EZH1: variants seen among roughly 807,000 people sequenced by gnomAD.
EZH1 encodes the protein enhancer of zeste 1 polycomb repressive complex 2 subunit, also known as histone-lysine N-methyltransferase EZH1.
EZH1 carries 33 observed loss-of-function variants against 100.5 expected under a neutral mutation model. The observed-to-expected ratio is 0.33, with a 90% confidence interval of 0.25 to 0.44. The LOEUF is 0.44. Ranked by LOEUF, EZH1 falls within the 20% of genes least tolerant of loss-of-function variation. The pLI, the probability that EZH1 is intolerant of heterozygous loss-of-function variation, is 1.00. For synonymous variants in EZH1, 272 were observed against 313.8 expected, an observed-to-expected ratio of 0.87 and a Z score of 1.41; for missense variants, 475 against 928.4, an observed-to-expected ratio of 0.51 and a Z score of 6.35.
chr17:42,741,485 C>T (rs890833182), intron 1 of EZH1, among the ~76,000 whole-genome samples: 5 of 152,164 alleles, frequency 3.3e-5, no homozygotes, highest in African/African-American at 1.2e-4. Context: ...GCTGGGATTA[C>T]AGCTGTGAGC....
intron 6 of EZH1, 51 bp from the exon 7 acceptor site, chr17:42,720,500 A>C: frequency 2.6e-6 from 4 of 1,541,244 alleles, no homozygotes; most frequent in Non-Finnish European, 2.6e-6. Flanking sequence ...ACATTCCATT[A>C]GTCCTCCTAG....
chr17:42,741,166 C>T (rs1199281776), intron 1 of EZH1, among the ~76,000 whole-genome samples: 1 of 152,182 alleles, frequency 6.6e-6, no homozygotes, highest in Non-Finnish European at 1.5e-5. Flanking sequence ...TTTAGTGTTG[C>T]TACCTCAAAT....
In EZH1 at chr17:42,702,364, G is replaced by A; in HGVS notation, c.*168C>T. On this transcript the variant is annotated 3_prime_UTR_variant, in exon 21 of 21. Transcript: ENST00000428826. Reference sequence around the variant, plus strand: ...CTGCCTCTGTCTCCCCTCTCATTGAGACAGTTTTGTGCCCTCTGGACATGG... The same window carrying A: ...CTGCCTCTGTCTCCCCTCTCATTGAAACAGTTTTGTGCCCTCTGGACATGG... 1 of 528,352 alleles carries A rather than the reference G, an allele frequency of 1.9e-6. No individual in the cohort carries two copies. Among genetic ancestry groups the A allele is most frequent in the Non-Finnish European group, 3.4e-6 (1 of 295,842 alleles). The allele number at this position is 528,352 out of a possible 1,614,324, so 32.7% of individuals were successfully genotyped here.
At chr17:42,723,853 C>T (rs1351570884) in intron 5 of EZH1, among the ~76,000 whole-genome samples, 1 of 152,170 alleles carries the variant, frequency 6.6e-6, no homozygotes, top group East Asian at 1.9e-4. Context: ...TAGTAGGAGT[C>T]AGCACAAAGG....
intron 11 of EZH1, among the ~76,000 whole-genome samples, chr17:42,712,813 G>A (rs1353412215): frequency 6.6e-6 from 1 of 152,068 alleles, no homozygotes; most frequent in Non-Finnish European, 1.5e-5. Flanking sequence ...CGAGGCAGGC[G>A]GATCACCTGA....
chr17:42,733,640 CAAA>C (rs1283971078), intron 1 of EZH1, among the ~76,000 whole-genome samples: 4 of 48,278 alleles, frequency 8.3e-5, no homozygotes, highest in Admixed American at 2.4e-4. Flanking sequence ...GACTCCATCT[CAAA>C]AAAAAAAAAA....
intron 13 of EZH1, 102 bp downstream of exon 13, chr17:42,709,744 T>C (rs1359113673): frequency 1.9e-6 from 2 of 1,056,970 alleles, no homozygotes; most frequent in Non-Finnish European, 2.9e-6. Flanking sequence ...ACACAGCCTG[T>C]GCGGTTGCTA....
chr17:42,736,418 T>C (rs547666828), intron 1 of EZH1, among the ~76,000 whole-genome samples: 40 of 152,352 alleles, frequency 2.6e-4, no homozygotes, highest in African/African-American at 7.9e-4. Context: ...CACATATCAA[T>C]GGATTGGCTA....
rs575341608 is a variant in EZH1 at position 42,720,467 on chromosome 17, G to C, written c.488-18C>G. The stretch of plus-strand genomic sequence containing the variant: ...GATCATCTCTGAAACATGAGGATTC[G>C]AAAGATGAGCAGTGGTCACTTCACA... On this transcript the variant is annotated intron_variant, in intron 6 of 20. Transcript: ENST00000428826. 5.0e-6 allele frequency: 8 copies of C among 1,598,294 alleles called. No homozygotes were observed. The highest frequency in any genetic ancestry group is 6.8e-6 in the Non-Finnish European group (8 of 1,172,798).
At chr17:42,730,424 G>A (rs1353981295) in intron 2 of EZH1, among the ~76,000 whole-genome samples, 1 of 149,940 alleles carries the variant, frequency 6.7e-6, no homozygotes, top group African/African-American at 2.4e-5. Flanking sequence ...GAAATAGATA[G>A]CAATGCAAAT....
intron 1 of EZH1, 39 bp from the exon 2 acceptor site, chr17:42,730,957 G>T: frequency 1.1e-6 from 1 of 927,260 alleles, no homozygotes; most frequent in Non-Finnish European, 1.3e-6. Context: ...TATTAAGTTA[G>T]TGCAGCAAGT....
chr17:42,736,805 T>G lies in EZH1; in HGVS notation c.-102-5887A>C, dbSNP rs185944569. On this transcript the variant is annotated intron_variant, in intron 1 of 20. Coordinates refer to ENST00000428826, the MANE Select transcript of EZH1 (RefSeq NM_001991.5). ...GGTAGAGATTGCAGTGATCTGAGAATGCGCCACTGCACTCCAGCCTGGGGA... is the reference window on the plus strand; with the variant it reads ...GGTAGAGATTGCAGTGATCTGAGAAGGCGCCACTGCACTCCAGCCTGGGGA... 3.3e-3 allele frequency among the ~76,000 whole-genome samples: 508 copies of G among 151,992 alleles called. 4 individuals carry two copies. The highest frequency in any genetic ancestry group is 3.7e-3 in the Non-Finnish European group (253 of 67,946).
intron 6 of EZH1, 114 bp downstream of exon 6, chr17:42,722,681 C>A: frequency 5.6e-6 from 5 of 899,962 alleles, no homozygotes; most frequent in Non-Finnish European, 8.2e-6. Flanking sequence ...TTGAAATATT[C>A]TGCAGTGTGT....
At chr17:42,744,986 G>A (rs916919310) in intron 1 of EZH1, 25 bp downstream of exon 1, 7 of 1,262,584 alleles carry the variant, frequency 5.5e-6, no homozygotes, top group South Asian at 3.9e-5. Context: ...CCCACCGCCC[G>A]GCCCAGGCTT....
intron 17 of EZH1, among the ~76,000 whole-genome samples, 199 bp from the exon 18 acceptor site, chr17:42,704,882 C>A (rs1276041904): frequency 6.6e-6 from 1 of 152,204 alleles, no homozygotes; most frequent in East Asian, 1.9e-4. Flanking sequence ...AAAAGAGCCC[C>A]CCTCATCTCT....
intron 15 of EZH1, 140 bp downstream of exon 15, chr17:42,707,813 CTTATT>C: frequency 1.0e-6 from 1 of 997,270 alleles, no homozygotes; most frequent in Non-Finnish European, 1.5e-6. Flanking sequence ...ATCTCATGCA[CTTATT>C]TCATTTGTAG....
At position 42,706,513 on chromosome 17, in the gene EZH1, T is replaced by C. The variant is rs937946584; in HGVS notation, c.1661-328A>G. ...CAGGCTGGGCAACATAGGGAGATCC[T>C]GTCTCCACAAAAAAATTAAAAAAAA... On this transcript the variant is annotated intron_variant, in intron 15 of 20. Coordinates refer to ENST00000428826, the MANE Select transcript of EZH1 (RefSeq NM_001991.5). This position sits in a 1 kb window ranked among gnomAD's most constrained non-coding sequence, Gnocchi z 4.4. Among the ~76,000 whole-genome samples, 6 of 151,646 alleles carry C rather than the reference T, an allele frequency of 4.0e-5. No individual in the cohort carries two copies. Among genetic ancestry groups the C allele is most frequent in the African/African-American group, 1.5e-4 (6 of 41,264 alleles).
Position 42,727,647 on chromosome 17 carries a change from A to G in EZH1, c.234T>C (p.Pro78=). 6.2e-7 allele frequency: 1 copy of G among 1,612,366 alleles called. No homozygotes were observed. The highest frequency in any genetic ancestry group is 1.7e-5 in the Admixed American group (1 of 59,786). ...VQSMKPVSGH[P]FLKKCTIESI... ...CTCCCAAAAGTACCTTTTTGAGAAA[A>G]GGGTGTCCACTCACAGGCTTCATTG... Residue 78 remains proline (P), a synonymous_variant, in exon 4 of 21, where the codon CCT becomes CCC. Coordinates refer to ENST00000428826, the MANE Select transcript of EZH1 (RefSeq NM_001991.5).
chr17:42,714,293 C>T (rs866564701), intron 10 of EZH1: 2 of 223,318 alleles, frequency 9.0e-6, no homozygotes, highest in African/African-American at 4.6e-5. Flanking sequence ...TCTAGAGGCA[C>T]TCAGAATGGT....
Sources: gnomAD v4.1 joint callset for allele counts (sites outside exome capture counted in the v4.1 genomes callset) on GRCh38, gnomAD v4.1.1 for gene constraint, Gnocchi (gnomAD v3.1) non-coding constraint, MANE v1.5 for transcripts, NCBI Gene and HGNC (gene_info 2026-07-23, HGNC 2026-07-21) for gene names.